The following CACNA2D3 variants were observed in gnomAD, a reference collection of about 807,000 sequenced individuals.
CACNA2D3 encodes the protein voltage-dependent calcium channel subunit alpha-2/delta-3.
A neutral mutation model predicts 160.6 loss-of-function variants in CACNA2D3; 60 were observed. The observed-to-expected ratio is 0.37, with a 90% CI of 0.30 to 0.46. The LOEUF (loss-of-function observed/expected upper bound fraction) is 0.46, where lower values mean the gene tolerates loss of function less well. Among genes scored for constraint, CACNA2D3 ranks in the 20% least tolerant of loss-of-function variants. CACNA2D3 has a pLI of 1.00. For missense variants in CACNA2D3, 1,205 were observed against 1,365.0 expected (o/e 0.88, Z 1.85); for synonymous variants, 558 against 492.9 (o/e 1.13, Z -1.75).
intron 14 of CACNA2D3, among the ~76,000 whole-genome samples, chr3:54,827,474 G>T (rs1052760503): frequency 6.6e-6 from 1 of 152,164 alleles, no homozygotes; most frequent in Non-Finnish European, 1.5e-5. Flanking sequence ...GTTTGCTTCC[G>T]TTTGCTTGTT....
At chr3:54,491,057 C>G (rs1207886136) in intron 4 of CACNA2D3, among the ~76,000 whole-genome samples, 6 of 152,266 alleles carry the variant, frequency 3.9e-5, no homozygotes, top group African/African-American at 7.2e-5. Flanking sequence ...TCTATATTCT[C>G]TCTCTCTCTC....
At position 54,783,777 on chromosome 3, in the gene CACNA2D3, CAG is replaced by C. The variant is rs146417561; in HGVS notation, c.1380+19428_1380+19429del. On this transcript the variant is annotated intron_variant, in intron 13 of 37. Transcript: ENST00000474759. ...GAGTTCTCTGTGCTATATTAAATGACAGAAGGAAAACTCAGCTCATCACACTT... is the reference window on the plus strand; with the variant it reads ...GAGTTCTCTGTGCTATATTAAATGACAAGGAAAACTCAGCTCATCACACTT... Among the ~76,000 whole-genome samples the C allele has an allele frequency of 8.7e-3, 1,317 of 152,146 alleles. 20 individuals are homozygous for C. The highest frequency in any genetic ancestry group is 0.029 in the African/African-American group (1,223 of 41,490).
At position 54,645,468 on chromosome 3, in the gene CACNA2D3, C is replaced by T. The variant is rs569360753; in HGVS notation, c.1167+3227C>T. Among the ~76,000 whole-genome samples the T allele has an allele frequency of 4.0e-4, 61 of 152,286 alleles. 1 individual carries two copies. In the East Asian group the frequency reaches 7.5e-3, roughly 19 times the overall value. On this transcript the variant is annotated intron_variant, in intron 11 of 37. Coordinates refer to ENST00000474759, the MANE Select transcript of CACNA2D3 (RefSeq NM_018398.3). ...GTCCAACATTCCTATATGACAAGGCCGCTGCTGGCGCTGAGCAGCAGCTGT... is the reference window on the plus strand; with the variant it reads ...GTCCAACATTCCTATATGACAAGGCTGCTGCTGGCGCTGAGCAGCAGCTGT...
At chr3:54,246,460 A>G (rs902380241) in intron 2 of CACNA2D3, among the ~76,000 whole-genome samples, 14 of 152,210 alleles carry the variant, frequency 9.2e-5, no homozygotes, top group Non-Finnish European at 2.1e-4. Context: ...TGGGAGGCCA[A>G]GGTGGGTGGA....
At chr3:54,286,365 G>C (rs953561224) in intron 2 of CACNA2D3, among the ~76,000 whole-genome samples, 1 of 152,076 alleles carries the variant, frequency 6.6e-6, no homozygotes, top group South Asian at 2.1e-4. Context: ...GAAGTGAGAA[G>C]GGAAGTTTAG....
intron 27 of CACNA2D3, among the ~76,000 whole-genome samples, chr3:54,923,809 G>C (rs1212556855): frequency 2.0e-5 from 3 of 152,112 alleles, no homozygotes; most frequent in African/African-American, 7.2e-5. Flanking sequence ...AACCTCTCTG[G>C]GACTCTGTTG....
chr3:54,194,046 A>G (rs919908992), intron 2 of CACNA2D3, among the ~76,000 whole-genome samples: 24 of 152,124 alleles, frequency 1.6e-4, no homozygotes, highest in Admixed American at 6.5e-4. Flanking sequence ...GATAGAGAGT[A>G]GAATGGTAGA....
chr3:54,661,583 A>C (rs1699972269), intron 11 of CACNA2D3, among the ~76,000 whole-genome samples: 2 of 152,202 alleles, frequency 1.3e-5, no homozygotes, highest in Non-Finnish European at 2.9e-5. Context: ...GGTACATTAA[A>C]AAAATCCAGA....
chr3:54,912,934 A>G (rs918090510), intron 27 of CACNA2D3, among the ~76,000 whole-genome samples: 1 of 152,046 alleles, frequency 6.6e-6, no homozygotes, highest in South Asian at 2.1e-4. Context: ...CAGATACCCT[A>G]CATACAGGAC....
At chr3:54,546,409 C>G (rs1702065237) in intron 5 of CACNA2D3, among the ~76,000 whole-genome samples, 1 of 152,130 alleles carries the variant, frequency 6.6e-6, no homozygotes, top group Non-Finnish European at 1.5e-5. Context: ...GACATAATTA[C>G]AGTAGAAATG....
chr3:54,855,420 C>G (rs551407703), intron 17 of CACNA2D3, among the ~76,000 whole-genome samples: 1 of 152,212 alleles, frequency 6.6e-6, no homozygotes, highest in African/African-American at 2.4e-5. Context: ...TTTCCAAGAG[C>G]CTCTTTACTA....
intron 31 of CACNA2D3, among the ~76,000 whole-genome samples, chr3:54,996,159 G>T (rs1442637139): frequency 1.3e-5 from 2 of 152,224 alleles, no homozygotes; most frequent in East Asian, 3.8e-4. Context: ...TCATTGTGGT[G>T]CAGTTGCTAT....
rs572402423 is a variant in CACNA2D3 at position 54,340,860 on chromosome 3, G to A, written c.321+20302G>A. Among the ~76,000 whole-genome samples, 79 of 152,302 alleles carry A rather than the reference G, an allele frequency of 5.2e-4. 1 individual carries two copies. The Middle Eastern group carries it at 0.014, about 26-fold the overall frequency. ...TCCCAGGTGTGAGCACAAGGCTGAA[G>A]TTTGTCTAATCAGAGGGTCCCCACA... On this transcript the variant is annotated intron_variant, in intron 3 of 37. Coordinates refer to ENST00000474759, the MANE Select transcript of CACNA2D3 (RefSeq NM_018398.3).
chr3:54,164,665 C>T (rs1046979212), intron 2 of CACNA2D3, among the ~76,000 whole-genome samples: 4 of 152,222 alleles, frequency 2.6e-5, no homozygotes, highest in East Asian at 1.9e-4. Context: ...TAGAGACCTT[C>T]GGAGGGGGCA....
Position 55,067,946 on chromosome 3 carries a change from A to G in CACNA2D3, c.2988-5499A>G, listed in dbSNP as rs372863237. 1.4e-3 allele frequency among the ~76,000 whole-genome samples: 214 copies of G among 152,352 alleles called. 1 individual carries two copies. Among genetic ancestry groups the G allele is most frequent in the African/African-American group, 4.8e-3 (200 of 41,588 alleles). On this transcript the variant is annotated intron_variant, in intron 35 of 37. Coordinates refer to ENST00000474759, the MANE Select transcript of CACNA2D3 (RefSeq NM_018398.3). ...AGCATATGGCTAGAAGCAAGGGGAA[A>G]GAGGACGGAGGATCTCCCTCCCTGT...
chr3:54,283,947 AGC>A (rs1163918426), intron 2 of CACNA2D3, among the ~76,000 whole-genome samples: 5 of 152,164 alleles, frequency 3.3e-5, no homozygotes, highest in African/African-American at 1.2e-4. Flanking sequence ...CTGTAGTCCC[AGC>A]TACTCAGGAG....
At chr3:54,897,982 T>C (rs2106882902) in intron 26 of CACNA2D3, among the ~76,000 whole-genome samples, 1 of 152,272 alleles carries the variant, frequency 6.6e-6, no homozygotes, top group Non-Finnish European at 1.5e-5. Context: ...GGGTCTGTGC[T>C]CCTTTGCTGA....
intron 27 of CACNA2D3, among the ~76,000 whole-genome samples, chr3:54,904,312 G>C (rs1331922146): frequency 6.6e-6 from 1 of 152,142 alleles, no homozygotes; most frequent in Non-Finnish European, 1.5e-5. Flanking sequence ...ACCATATCAG[G>C]GTAGAAATGA....
intron 32 of CACNA2D3, among the ~76,000 whole-genome samples, chr3:55,005,463 T>C (rs1295711083): frequency 6.6e-6 from 1 of 152,160 alleles, no homozygotes; most frequent in African/African-American, 2.4e-5. Context: ...TAAAAGAACT[T>C]GGTTTTGTTC....
Sources: gnomAD v4.1 joint callset for allele counts (sites outside exome capture counted in the v4.1 genomes callset) on GRCh38, gnomAD v4.1.1 for gene constraint, MANE v1.5 for transcripts, NCBI Gene and HGNC (gene_info 2026-07-23, HGNC 2026-07-21) for gene names.